Variants in PPP1R42 observed in about 807,000 individuals in gnomAD.
PPP1R42 encodes leucine rich repeat containing 67.
In PPP1R42, 34 loss-of-function variants were observed where a neutral mutation model predicts 31.0. That is an observed-to-expected ratio of 1.10 (90% confidence interval 0.83 to 1.46). The LOEUF (loss-of-function observed/expected upper bound fraction) is 1.46. Ranked by LOEUF, PPP1R42 falls within the 40% of genes most tolerant of loss-of-function variation. PPP1R42 has a pLI of 0.00. For missense variants in PPP1R42, 268 were observed against 303.0 expected (o/e 0.88, Z 0.86); for synonymous variants, 103 against 109.8 (o/e 0.94, Z 0.39).
intron 1 of PPP1R42, among the ~76,000 whole-genome samples, 181 bp from the exon 2 acceptor site, chr8:67,018,012 A>G: frequency 6.6e-6 from 1 of 152,242 alleles, no homozygotes; most frequent in East Asian, 1.9e-4. Context: ...AAAGATTTAA[A>G]GCATCAAAAT....
chr8:66,982,981 C>T (rs1814888195), intron 6 of PPP1R42, among the ~76,000 whole-genome samples: 1 of 151,064 alleles, frequency 6.6e-6, no homozygotes, highest in Non-Finnish European at 1.5e-5. Context: ...TGGGATCTCA[C>T]TATGTTGCCC....
Position 67,012,979 on chromosome 8 carries a change from T to C in PPP1R42, c.414A>G (p.Pro138=). ...TTACTGCCAGAGAATGAAGAGTTCTTGGATCAAACAGAAGCTTTTCCCCAA... is the reference window on the plus strand; with the variant it reads ...TTACTGCCAGAGAATGAAGAGTTCTCGGATCAAACAGAAGCTTTTCCCCAA... ...LPLGEKLLFD[P]RTLHSLAKSL... The change falls in exon 4 of 8, where the codon CCA becomes CCG. Residue 138 remains proline, a synonymous_variant. Transcript: ENST00000685739. 2 of 1,609,282 alleles carry C rather than the reference T, an allele frequency of 1.2e-6. No homozygotes were observed. The highest frequency in any genetic ancestry group is 1.1e-5 in the South Asian group (1 of 89,772).
At chr8:66,992,806 G>T (rs1815229360) in intron 5 of PPP1R42, among the ~76,000 whole-genome samples, 1 of 152,166 alleles carries the variant, frequency 6.6e-6, no homozygotes, top group Non-Finnish European at 1.5e-5. Context: ...AGAAAGAGAG[G>T]TCATCTATTC....
intron 7 of PPP1R42, among the ~76,000 whole-genome samples, chr8:66,977,505 TTTTC>T (rs1814712375): frequency 6.6e-6 from 1 of 151,932 alleles, no homozygotes; most frequent in South Asian, 2.1e-4. Context: ...ACTGAGCTAA[TTTTC>T]TTTCTTTCTT....
chr8:67,003,389 C>CTTTTTTTTTTTTT (rs5892069), intron 5 of PPP1R42, among the ~76,000 whole-genome samples: 1 of 32,938 alleles, frequency 3.0e-5, no homozygotes, highest in Non-Finnish European at 5.4e-5. Context: ...TTTCATGCTT[C>CTTTTTTTTTTTTT]TTTTTTTTTT....
At chr8:66,998,130 GA>G in intron 5 of PPP1R42, among the ~76,000 whole-genome samples, 1 of 151,982 alleles carries the variant, frequency 6.6e-6, no homozygotes, top group South Asian at 2.1e-4. Flanking sequence ...ATCAAAACCA[GA>G]AAAAAAGTCT....
At chr8:67,005,421 C>T (rs1304293786) in intron 5 of PPP1R42, among the ~76,000 whole-genome samples, 8 of 152,060 alleles carry the variant, frequency 5.3e-5, no homozygotes, top group African/African-American at 1.9e-4. Flanking sequence ...TCTCTATTGT[C>T]TTTCACCCCA....
chr8:67,022,755 G>A (rs765204595), intron 1 of PPP1R42, among the ~76,000 whole-genome samples: 1 of 151,652 alleles, frequency 6.6e-6, no homozygotes, highest in Non-Finnish European at 1.5e-5. Context: ...CAGTACTTGG[G>A]GTGTTTTCTC....
At chr8:67,027,906 A>G (rs923809811) in intron 1 of PPP1R42, among the ~76,000 whole-genome samples, 2 of 151,720 alleles carry the variant, frequency 1.3e-5, no homozygotes, top group African/African-American at 4.8e-5. Context: ...TACAGGCTCT[A>G]GGGATCCATT....
chr8:66,993,010 C>T (rs1815235341), intron 5 of PPP1R42, among the ~76,000 whole-genome samples: 1 of 152,180 alleles, frequency 6.6e-6, no homozygotes, highest in African/African-American at 2.4e-5. Flanking sequence ...TTCTCTGGAA[C>T]ATTTCAAAGG....
At chr8:66,989,618 G>A (rs1158640150) in intron 5 of PPP1R42, among the ~76,000 whole-genome samples, 1 of 152,112 alleles carries the variant, frequency 6.6e-6, no homozygotes, top group East Asian at 1.9e-4. Flanking sequence ...TGTGAATATT[G>A]CTGCAAAGAA....
chr8:66,977,189 C>G (rs1043266311), intron 7 of PPP1R42, among the ~76,000 whole-genome samples: 1 of 151,870 alleles, frequency 6.6e-6, no homozygotes, highest in Non-Finnish European at 1.5e-5. Context: ...TGTGCCACCA[C>G]GCTCAGCTAA....
chr8:66,978,238 G>A (rs561766756), intron 7 of PPP1R42, among the ~76,000 whole-genome samples: 1 of 152,248 alleles, frequency 6.6e-6, no homozygotes, highest in South Asian at 2.1e-4. Flanking sequence ...ATGAGAGCCA[G>A]GCAAAAGGGG....
chr8:66,983,471 T>C (rs1814909813), intron 6 of PPP1R42, among the ~76,000 whole-genome samples: 1 of 152,124 alleles, frequency 6.6e-6, no homozygotes, highest in South Asian at 2.1e-4. Flanking sequence ...TTCAAAATTT[T>C]TTTCTTTCTT....
At chr8:67,028,126 C>T (rs1404683731) in intron 1 of PPP1R42, among the ~76,000 whole-genome samples, 3 of 152,124 alleles carry the variant, frequency 2.0e-5, no homozygotes, top group African/African-American at 7.2e-5. Flanking sequence ...TCTATACTTC[C>T]ACTTAGGCCA....
intron 7 of PPP1R42, among the ~76,000 whole-genome samples, chr8:66,971,774 A>G (rs1814544136): frequency 6.6e-6 from 1 of 152,242 alleles, no homozygotes; most frequent in Non-Finnish European, 1.5e-5. Context: ...ATATAGCTAT[A>G]TGGCTATACT....
At chr8:67,014,269 A>G (rs1279310499) in intron 3 of PPP1R42, among the ~76,000 whole-genome samples, 157 bp downstream of exon 3, 2 of 152,198 alleles carry the variant, frequency 1.3e-5, no homozygotes, top group Admixed American at 6.5e-5. Flanking sequence ...TGTGGGAATC[A>G]TATGGTTTTT....
chr8:66,981,622 C>T (rs1022459452), intron 7 of PPP1R42, among the ~76,000 whole-genome samples: 1 of 152,038 alleles, frequency 6.6e-6, no homozygotes, highest in Non-Finnish European at 1.5e-5. Context: ...CTCAGGTGAT[C>T]CACCCGCCTC....
intron 5 of PPP1R42, among the ~76,000 whole-genome samples, chr8:66,998,618 TC>T (rs1195176758): frequency 6.6e-6 from 1 of 152,226 alleles, no homozygotes; most frequent in East Asian, 1.9e-4. Context: ...CAAACATCCT[TC>T]CTTTATTCTT....
Sources: allele counts gnomAD v4.1 joint callset (sites outside exome capture counted in the v4.1 genomes callset), GRCh38; gene constraint gnomAD v4.1.1; transcripts MANE v1.5; gene names NCBI Gene and HGNC (gene_info 2026-07-23, HGNC 2026-07-21).